Variants in LZTR1 observed in about 807,000 individuals in gnomAD.
LZTR1 encodes the protein leucine-zipper-like transcriptional regulator 1.
LZTR1 carries 260 observed loss-of-function variants against 105.7 expected under a neutral mutation model. That is an observed-to-expected ratio of 2.46 (90% CI 2.22 to 2.72). The LOEUF (loss-of-function observed/expected upper bound fraction) is 2.72, where lower values mean the gene tolerates loss of function less well. LZTR1 is among the 30% of genes most tolerant of loss of function. The probability of loss-of-function intolerance (pLI) is 0.00; values close to 1 mark genes in which losing one functional copy is unlikely to be tolerated. For synonymous variants in LZTR1, 490 were observed against 476.4 expected (o/e 1.03, Z -0.37); for missense variants, 1,214 against 1,166.9 (o/e 1.04, Z -0.59).
intron 9 of LZTR1, 124 bp from the exon 10 acceptor site, chr22:20,992,090 G>A (rs1924626445): frequency 3.1e-6 from 3 of 982,900 alleles, no homozygotes; most frequent in South Asian, 1.5e-5. Flanking sequence ...TTCCTGGGAA[G>A]CCCACGGCCA....
chr22:20,989,450 C>A (rs923778381), intron 6 of LZTR1, among the ~76,000 whole-genome samples, 175 bp from the exon 7 acceptor site: 2 of 152,128 alleles, frequency 1.3e-5, no homozygotes, highest in African/African-American at 4.8e-5. Flanking sequence ...CCTGGCACAG[C>A]AGGGATTTGA....
chr22:20,993,962 A>G lies in LZTR1; in HGVS notation c.1392A>G (p.Thr464=), dbSNP rs2147967037. 6.2e-7 allele frequency: 1 copy of G among 1,612,844 alleles called. No individual in the cohort carries two copies. Among genetic ancestry groups the G allele is most frequent in the Non-Finnish European group, 8.5e-7 (1 of 1,179,930 alleles). ...ECVQGHVAIV[T]ARSRWLRRKI... The stretch of plus-strand genomic sequence containing the variant: ...TGCAGGGCCACGTAGCCATTGTCAC[A>G]GCGCGGAGCCGCTGGCTTCGCAGGA... The change falls in exon 13 of 21, where the codon ACA becomes ACG. Residue 464 remains threonine (T), a synonymous_variant. Transcript: ENST00000646124.
rs374685632 is a variant in LZTR1, at chr22:20,987,528, G to A, written c.345G>A (p.Pro115=). ...GGGCCTTTACCACTGGGACCCCACC[G>A]GCCCCCCGTTACCACCACTCGGCCG... The part of the protein sequence containing the change: ...WCRAFTTGTP[P]APRYHHSAVV... The change falls in exon 4 of 21, where the codon CCG becomes CCA. Residue 115 remains proline (P), a synonymous_variant. Coordinates refer to ENST00000646124, the MANE Select transcript of LZTR1 (RefSeq NM_006767.4). 15 of 1,613,718 alleles carry A rather than the reference G, an allele frequency of 9.3e-6. No homozygotes were observed. Among genetic ancestry groups the A allele is most frequent in the African/African-American group, 4.0e-5 (3 of 74,840 alleles).
Position 20,983,062 on chromosome 22 carries a change from C to G in LZTR1, c.236C>G (p.Ala79Gly). The G allele has an allele frequency of 1.9e-6, 3 of 1,614,076 alleles. No individual in the cohort carries two copies. The highest frequency in any genetic ancestry group is 2.5e-6 in the Non-Finnish European group (3 of 1,179,946). The change falls in exon 2 of 21, where the codon GCC becomes GGC. Residue 79 changes from alanine (A) to glycine (G), a missense_variant. Transcript: ENST00000646124. ...SKHTVVAYKDAIYVFGGDNGK... is the reference protein window; with the variant it reads ...SKHTVVAYKDGIYVFGGDNGK... ...CACACAGTGGTGGCCTATAAAGATG[C>G]CATTTATGTATTTGGTGGAGACAAT... is the stretch of plus-strand genomic sequence containing the variant.
At chr22:20,993,351 G>A in intron 11 of LZTR1, 2 of 499,596 alleles carry the variant, frequency 4.0e-6, no homozygotes, top group Non-Finnish European at 7.3e-6. Context: ...CCAGTGTGAG[G>A]ACGCAGGTCC....
chr22:20,986,055 C>A, intron 3 of LZTR1, 158 bp downstream of exon 3: 1 of 730,444 alleles, frequency 1.4e-6, no homozygotes, highest in Non-Finnish European at 2.3e-6. Flanking sequence ...ACATCCAGAG[C>A]CGCCCTGTCA....
intron 18 of LZTR1, chr22:20,996,407 CCTT>C: frequency 1.7e-6 from 1 of 592,720 alleles, no homozygotes; most frequent in Non-Finnish European, 3.0e-6. Context: ...TGGAGGTACT[CCTT>C]ATGTCACTTC....
At chr22:20,995,908 T>C in intron 17 of LZTR1, 36 bp downstream of exon 17, 7 of 1,613,110 alleles carry the variant, frequency 4.3e-6, no homozygotes, top group Non-Finnish European at 5.9e-6. Context: ...AGGGTGGGCC[T>C]GGATGGTGTC....
Position 20,994,921 on chromosome 22 carries a change from A to G in LZTR1, c.1837A>G (p.Met613Val), listed in dbSNP as rs1434688462. 1.2e-6 allele frequency: 2 copies of G among 1,613,418 alleles called. No homozygotes were observed. The highest frequency in any genetic ancestry group is 1.7e-5 in the Admixed American group (1 of 60,026). Residue 613 changes from methionine (M) to valine (V), a missense_variant, in exon 16 of 21, where the codon ATG becomes GTG. Met to Val is a conservative substitution (Grantham distance 21). Transcript: ENST00000646124. ...VKESHFNQVIMMKEFERLSSP... is the reference protein window; with the variant it reads ...VKESHFNQVIVMKEFERLSSP... ...GGAGTCCCACTTCAACCAGGTGATC[A>G]TGATGAAGGAGTTCGAGCGCCTCTC... is the stretch of plus-strand genomic sequence containing the variant.
rs34655832 is a variant in LZTR1 at position 20,985,059 on chromosome 22, A to ATTTTT, written c.264-767_264-763dup. 1.2e-3 allele frequency among the ~76,000 whole-genome samples: 144 copies of ATTTTT among 120,310 alleles called. 3 individuals are homozygous for ATTTTT. Among genetic ancestry groups the ATTTTT allele is most frequent in the African/African-American group, 4.2e-3 (127 of 30,186 alleles). 78.9% of individuals were successfully genotyped at this position (120,310 alleles called of 152,430 possible). ...GGCAGGAAAGCAAGACTTCGTTTCT[A>ATTTTT]TTTTTTTTTTTTTTTTTTTGAGATG... On this transcript the variant is annotated intron_variant, in intron 2 of 20. Transcript: ENST00000646124.
At position 20,994,127 on chromosome 22, in the gene LZTR1, A is replaced by G; in HGVS notation, c.1473A>G (p.Pro491=). The G allele has an allele frequency of 6.3e-7, 1 of 1,586,796 alleles. No individual in the cohort carries two copies. Among genetic ancestry groups the G allele is most frequent in the Non-Finnish European group, 8.6e-7 (1 of 1,165,224 alleles). Reference sequence around the variant, plus strand: ...AGAAGCTGGAGCAGGAGGCCGCCCCAGTTCCCAGGGAGGCCCCCGGCGTGG... The same window carrying G: ...AGAAGCTGGAGCAGGAGGCCGCCCCGGTTCCCAGGGAGGCCCCCGGCGTGG... ...LAQKLEQEAA[P]VPREAPGVAA... is the part of the protein sequence containing the mutation. The change falls in exon 14 of 21, where the codon CCA becomes CCG. Residue 491 remains proline (P), a synonymous_variant. Coordinates refer to ENST00000646124, the MANE Select transcript of LZTR1 (RefSeq NM_006767.4).
chr22:20,985,587 C>T (rs1237191013), intron 2 of LZTR1, among the ~76,000 whole-genome samples: 1 of 151,840 alleles, frequency 6.6e-6, no homozygotes, highest in Non-Finnish European at 1.5e-5. Context: ...TCCTGGTGGC[C>T]ACATTCATGC....
rs1163650910 is a variant in LZTR1 at position 20,990,470 on chromosome 22, CA to C, written c.739del (p.Ser247AlafsTer5). On this transcript the variant is annotated frameshift_variant, in exon 8 of 21. Coordinates refer to ENST00000646124, the MANE Select transcript of LZTR1 (RefSeq NM_006767.4). LOFTEE classifies it high-confidence loss of function. ...CRDKMFVFSG[Q>X]SGAKITNNLF... ...GGACAAGATGTTTGTATTCTCTGGG[CA>C]AAGCGGAGCCAAAATAACCAACAAC... is the stretch of plus-strand genomic sequence containing the variant. 6.2e-7 allele frequency: 1 copy of C among 1,613,974 alleles called. No individual in the cohort carries two copies.
chr22:20,985,059 ATTTTTT>A (rs34655832), intron 2 of LZTR1, among the ~76,000 whole-genome samples: 22 of 120,332 alleles, frequency 1.8e-4, no homozygotes, highest in African/African-American at 6.3e-4. Flanking sequence ...CTTCGTTTCT[ATTTTTT>A]TTTTTTTTTT....
intron 10 of LZTR1, 66 bp from the exon 11 acceptor site, chr22:20,992,728 G>A: frequency 9.2e-7 from 1 of 1,087,596 alleles, no homozygotes; most frequent in Non-Finnish European, 1.4e-6. Flanking sequence ...GCCTTACCTG[G>A]CTGCACCAGC....
chr22:20,983,029 G>T lies in LZTR1; in HGVS notation c.203G>T (p.Arg68Leu). 1.2e-6 allele frequency: 2 copies of T among 1,613,980 alleles called. No individual in the cohort carries two copies. The highest frequency in any genetic ancestry group is 8.5e-7 in the Non-Finnish European group (1 of 1,179,890). Residue 68 changes from arginine (R) to leucine (L), a missense_variant and splice_region_variant, in exon 2 of 21, where the codon CGC becomes CTC. Transcript: ENST00000646124. ...GCCCTCCACTCCTTTCTTTCCAGGC[G>T]CAGCAAGCACACAGTGGTGGCCTAT... ...PPCDEFVGARRSKHTVVAYKD... is the reference protein window; with the variant it reads ...PPCDEFVGARLSKHTVVAYKD...
chr22:20,997,347 G>A lies in LZTR1; in HGVS notation c.2522G>A (p.Ter841=). 1 of 1,608,280 alleles carries A rather than the reference G, an allele frequency of 6.2e-7. No homozygotes were observed. Among genetic ancestry groups the A allele is most frequent in the Non-Finnish European group, 8.5e-7 (1 of 1,175,266 alleles). ...TGCGCAGAGCTGGGCGCCGACATCT[G>A]AGGCCCTGTGGCGCCTGCCCATTGT... ...KQCAELGADI[*] is the part of the protein sequence containing the mutation. Residue 841 remains the stop codon, a stop_retained_variant, in exon 21 of 21, where the codon TGA becomes TAA. Coordinates refer to ENST00000646124, the MANE Select transcript of LZTR1 (RefSeq NM_006767.4).
In LZTR1 at chr22:20,991,626, A is replaced by C; in HGVS notation, c.792-2A>C. 1 of 1,582,296 alleles carries C rather than the reference A, an allele frequency of 6.3e-7. No individual in the cohort carries two copies. The highest frequency in any genetic ancestry group is 1.3e-5 in the African/African-American group (1 of 74,762). ...CATTGATTCACTGTTGTGTACCCCC[A>C]GGTGGACACGCATCCCAACTGAACA... is the stretch of plus-strand genomic sequence containing the variant. On this transcript the variant is annotated splice_acceptor_variant, in intron 8 of 20. Transcript: ENST00000646124. LOFTEE classifies it high-confidence loss of function.
intron 2 of LZTR1, among the ~76,000 whole-genome samples, chr22:20,984,996 G>A (rs1381581312): frequency 6.6e-6 from 1 of 152,122 alleles, no homozygotes; most frequent in African/African-American, 2.4e-5. Flanking sequence ...GGCTGAGGTG[G>A]GAAGATCACT....
Sources: gnomAD v4.1 joint callset for allele counts (sites outside exome capture counted in the v4.1 genomes callset) on GRCh38, gnomAD v4.1.1 for gene constraint, MANE v1.5 for transcripts, NCBI Gene and HGNC (gene_info 2026-07-23, HGNC 2026-07-21) for gene names.